The following STK32B variants were observed in gnomAD, a reference collection of about 807,000 sequenced individuals.
STK32B encodes serine/threonine-protein kinase 32B.
Under a neutral mutation model 52.6 loss-of-function variants are expected in STK32B, and 43 were observed. The ratio of observed to expected loss-of-function variants is 0.82; its 90% CI spans 0.64 to 1.05. The LOEUF is 1.05. Among genes scored for constraint, STK32B ranks in the 50% least tolerant of loss-of-function variants. The pLI is 0.00. For missense variants in STK32B, 621 were observed against 534.6 expected, an observed-to-expected ratio of 1.16 and a Z score of -1.59; for synonymous variants, 238 against 204.3, an observed-to-expected ratio of 1.17 and a Z score of -1.41.
chr4:5,316,541 A>G (rs748454593), intron 3 of STK32B, among the ~76,000 whole-genome samples: 1 of 6,502 alleles, frequency 1.5e-4, no homozygotes, highest in Non-Finnish European at 2.0e-4. Flanking sequence ...TATATAATAT[A>G]TATTACATAT....
intron 3 of STK32B, among the ~76,000 whole-genome samples, chr4:5,223,355 C>T (rs1359099373): frequency 1.3e-5 from 2 of 152,132 alleles, no homozygotes; most frequent in South Asian, 2.1e-4. Context: ...GAAGGCAGGT[C>T]TCCCCTGAAG....
intron 11 of STK32B, among the ~76,000 whole-genome samples, chr4:5,473,124 C>T (rs985669221): frequency 1.3e-5 from 2 of 152,220 alleles, no homozygotes; most frequent in African/African-American, 4.8e-5. Context: ...ATATGAAGAA[C>T]TTGAACTCTA....
intron 6 of STK32B, among the ~76,000 whole-genome samples, chr4:5,422,253 G>C (rs1712704937): frequency 6.6e-6 from 1 of 152,214 alleles, no homozygotes; most frequent in Non-Finnish European, 1.5e-5. Flanking sequence ...GGAGTTAAGG[G>C]AGAGCTCTCT....
chr4:5,102,839 G>C (rs1424867882), intron 1 of STK32B, among the ~76,000 whole-genome samples: 1 of 125,168 alleles, frequency 8.0e-6, no homozygotes, highest in Non-Finnish European at 1.7e-5. Context: ...CACCGCACTC[G>C]ACCTCTCTCC....
At chr4:5,050,160 G>T (rs1444427233), upstream of STK32B, among the ~76,000 whole-genome samples, 2 of 152,196 alleles carry the variant, frequency 1.3e-5, no homozygotes, top group African/African-American at 4.8e-5. Flanking sequence ...GTGTATGCTT[G>T]TTGGTGGAAT....
intron 11 of STK32B, among the ~76,000 whole-genome samples, chr4:5,479,614 T>C (rs73794610): frequency 5.3e-5 from 8 of 152,262 alleles, no homozygotes; most frequent in African/African-American, 1.7e-4. Context: ...TATTCCCAGA[T>C]GGGATGGGCT....
chr4:5,345,541 C>A (rs1027538645), intron 4 of STK32B: 2 of 152,148 alleles, frequency 1.3e-5, no homozygotes, highest in Admixed American at 1.3e-4. Flanking sequence ...CATTTCTGAG[C>A]ATTTTGCATG....
chr4:5,438,496 G>T (rs575686340), intron 6 of STK32B, among the ~76,000 whole-genome samples: 1 of 152,238 alleles, frequency 6.6e-6, no homozygotes, highest in Admixed American at 6.5e-5. Context: ...TGAGGAGGAT[G>T]GCATTTAGGA....
rs116082029 is a variant in STK32B, at chr4:5,177,031, G to C, written c.260+8581G>C. ...GAGTGTTTTGAGAATTAACTGAAAA[G>C]AAGACATGAAAGTATATTTTCTGTA... On this transcript the variant is annotated intron_variant, in intron 3 of 11. Transcript: ENST00000282908. Among the ~76,000 whole-genome samples, 409 of 152,266 alleles carry C rather than the reference G, an allele frequency of 2.7e-3. 2 individuals carry two copies. Among genetic ancestry groups the C allele is most frequent in the African/African-American group, 9.2e-3 (383 of 41,548 alleles).
At chr4:5,363,367 A>G (rs1258786828) in intron 4 of STK32B, among the ~76,000 whole-genome samples, 1 of 152,178 alleles carries the variant, frequency 6.6e-6, no homozygotes, top group South Asian at 2.1e-4. Flanking sequence ...TTCAGAAGCT[A>G]TGACTTGCCA....
intron 4 of STK32B, among the ~76,000 whole-genome samples, chr4:5,356,966 C>G (rs1451998972): frequency 2.0e-5 from 3 of 151,930 alleles, no homozygotes; most frequent in Non-Finnish European, 4.4e-5. Flanking sequence ...CCATTGCACT[C>G]CAGCCTGGGC....
intron 4 of STK32B, among the ~76,000 whole-genome samples, chr4:5,364,585 A>G (rs1321914505): frequency 6.6e-6 from 1 of 152,138 alleles, no homozygotes; most frequent in African/African-American, 2.4e-5. Context: ...GAAAATTCTG[A>G]TTGGTTCTGC....
Position 5,316,613 on chromosome 4 carries a change from TATATATTATATATATAATATATA to T in STK32B, c.261-14577_261-14555del, listed in dbSNP as rs1199400195. Reference sequence around the variant, plus strand: ...TATATATTACATATATAATATATATTATATATTATATATATAATATATAATATATTATATATATAATATATAAT... The same window carrying T: ...TATATATTACATATATAATATATATTATATATTATATATATAATATATAAT... On this transcript the variant is annotated intron_variant, in intron 3 of 11. Coordinates refer to ENST00000282908, the MANE Select transcript of STK32B (RefSeq NM_018401.3). Among the ~76,000 whole-genome samples, 124 of 15,136 alleles carry T rather than the reference TATATATTATATATATAATATATA, an allele frequency of 8.2e-3. 6 individuals are homozygous for T. The highest frequency in any genetic ancestry group is 9.9e-3 in the Non-Finnish European group (115 of 11,674). 9.9% of individuals were successfully genotyped at this position (15,136 alleles called of 152,430 possible). A position where few individuals can be genotyped will look rare whatever the true frequency, so the allele number is the denominator to read the frequency against.
chr4:5,036,222 G>A, the STK32B span, among the ~76,000 whole-genome samples: 32 of 152,194 alleles, frequency 2.1e-4, no homozygotes, highest in African/African-American at 7.5e-4. Flanking sequence ...TCTGAAAGCT[G>A]CTGGGTGCAG....
rs1487321332 is a variant in STK32B at position 5,051,617 on chromosome 4, A to C, written c.-247A>C. On this transcript the variant is annotated 5_prime_UTR_variant, in exon 1 of 12. Transcript: ENST00000282908. Reference sequence around the variant, plus strand: ...CACTGGAGTAAGGAGCTGCGAGCGCAGCCCGAGGCGGGGCACGGCGGAAGG... The same window carrying C: ...CACTGGAGTAAGGAGCTGCGAGCGCCGCCCGAGGCGGGGCACGGCGGAAGG... 2.4e-5 allele frequency: 12 copies of C among 503,094 alleles called. No individual in the cohort carries two copies. Among genetic ancestry groups the C allele is most frequent in the African/African-American group, 4.1e-5 (2 of 48,480 alleles). 31.2% of individuals were successfully genotyped at this position (503,094 alleles called of 1,614,324 possible).
chr4:5,218,395 T>C (rs1314646656), intron 3 of STK32B, among the ~76,000 whole-genome samples: 2 of 152,228 alleles, frequency 1.3e-5, no homozygotes, highest in Non-Finnish European at 2.9e-5. Context: ...TGGAATAGGC[T>C]TGTAATGAAG....
At chr4:5,205,024 G>A (rs1722458553) in intron 3 of STK32B, among the ~76,000 whole-genome samples, 1 of 152,204 alleles carries the variant, frequency 6.6e-6, no homozygotes, top group African/African-American at 2.4e-5. Flanking sequence ...CCCCAGTGTG[G>A]GAAGTCATCA....
At chr4:5,100,868 TCC>T (rs1713744349) in intron 1 of STK32B, among the ~76,000 whole-genome samples, 2 of 150,680 alleles carry the variant, frequency 1.3e-5, no homozygotes, top group African/African-American at 2.4e-5. Flanking sequence ...TTCCTCTCCT[TCC>T]TTCCTTCCTT....
intron 5 of STK32B, among the ~76,000 whole-genome samples, chr4:5,401,332 G>A (rs1293263643): frequency 6.6e-6 from 1 of 152,162 alleles, no homozygotes; most frequent in African/African-American, 2.4e-5. Flanking sequence ...GCTATTTCAA[G>A]AGTTCCATCA....
Sources: gnomAD v4.1 joint callset for allele counts (sites outside exome capture counted in the v4.1 genomes callset) on GRCh38, gnomAD v4.1.1 for gene constraint, MANE v1.5 for transcripts, NCBI Gene and HGNC (gene_info 2026-07-23, HGNC 2026-07-21) for gene names.